FSCN2: variants seen among roughly 807,000 people sequenced by gnomAD.
FSCN2 encodes the protein fascin-2.
Under a neutral mutation model 37.8 loss-of-function variants are expected in FSCN2, and 46 were observed. The ratio of observed to expected loss-of-function variants is 1.22; its 90% CI spans 0.96 to 1.56. The LOEUF is 1.56. FSCN2 is among the 40% of genes most tolerant of loss of function. The pLI is 0.00. For synonymous variants in FSCN2, 351 were observed against 309.4 expected (o/e 1.13, Z -1.41); for missense variants, 844 against 730.4 (o/e 1.16, Z -1.79).
chr17:81,519,411 A>T, the FSCN2 span, among the ~76,000 whole-genome samples: 1 of 151,956 alleles, frequency 6.6e-6, no homozygotes, highest in African/African-American at 2.4e-5. Context: ...GCGGGGACGC[A>T]CCCCCAGGAC....
the FSCN2 span, among the ~76,000 whole-genome samples, chr17:81,520,745 C>T: frequency 6.6e-6 from 1 of 152,228 alleles, no homozygotes; most frequent in East Asian, 1.9e-4. Flanking sequence ...CTCTAAGAGC[C>T]TTCAGGCTTT....
chr17:81,532,359 GTGATGGTGATGGTGA>G (rs2032702267), intron 1 of FSCN2, among the ~76,000 whole-genome samples: 1 of 125,128 alleles, frequency 8.0e-6, no homozygotes, highest in Admixed American at 8.0e-5. Context: ...AGTGATGGTG[GTGATGGTGATGGTGA>G]TGATAGTGAT....
At chr17:81,532,026 GTGATGGTGATGA>G (rs755191271) in intron 1 of FSCN2, among the ~76,000 whole-genome samples, 936 of 84,570 alleles carry the variant, frequency 0.011, 11 homozygotes, top group African/African-American at 0.025. Flanking sequence ...GGTGATGATA[GTGATGGTGATGA>G]TGATGGTGAT....
intron 4 of FSCN2, 26 bp downstream of exon 4, chr17:81,536,815 C>A (rs368423712): frequency 1.4e-6 from 2 of 1,411,692 alleles, no homozygotes; most frequent in Admixed American, 3.8e-5. Flanking sequence ...GGTGGGCACG[C>A]GGGAGCGGGG....
At position 81,533,460 on chromosome 17, in the gene FSCN2, A is replaced by G. The variant is rs543662247; in HGVS notation, c.827-1592A>G. Among the ~76,000 whole-genome samples the G allele has an allele frequency of 1.4e-4, 21 of 152,196 alleles. 1 individual carries two copies. Among genetic ancestry groups the G allele is most frequent in the African/African-American group, 4.8e-4 (20 of 41,518 alleles). ...TCCTCCGTTCTTACCTCCTCACCGA[A>G]CCACTCTCCTGGGTCAGCTCTGACC... On this transcript the variant is annotated intron_variant, in intron 1 of 4. Coordinates refer to ENST00000417245, the MANE Select transcript of FSCN2 (RefSeq NM_012418.4).
In FSCN2 at chr17:81,536,870, C is replaced by A. The variant is rs746096845; in HGVS notation, c.1274-5C>A. 3 of 1,567,120 alleles carry A rather than the reference C, an allele frequency of 1.9e-6. No individual in the cohort carries two copies. The highest frequency in any genetic ancestry group is 2.6e-6 in the Non-Finnish European group (3 of 1,156,112). ...CACCCCCGCCGACGCCGTCCCGTCC[C>A]CCAGGCCGCGACGGAGGGTTCTGGT... is the stretch of plus-strand genomic sequence containing the variant. On this transcript the variant is annotated splice_polypyrimidine_tract_variant and splice_region_variant and intron_variant, in intron 4 of 4. Transcript: ENST00000417245.
chr17:81,536,040 G>A, intron 2 of FSCN2, 106 bp from the exon 3 acceptor site: 2 of 1,398,638 alleles, frequency 1.4e-6, no homozygotes, highest in East Asian at 2.5e-5. Context: ...TGTCAGTGGA[G>A]GGCAGGCTTC....
At chr17:81,531,624 GTGGTGGTGA>G (rs2032613621) in intron 1 of FSCN2, among the ~76,000 whole-genome samples, 1 of 126,910 alleles carries the variant, frequency 7.9e-6, no homozygotes, top group Admixed American at 8.0e-5. Context: ...GATGGTGATG[GTGGTGGTGA>G]TGGTGGTGGT....
chr17:81,537,023 G>A lies in FSCN2; in HGVS notation c.1422G>A (p.Ser474=), dbSNP rs1315184895. The change falls in exon 5 of 5, where the codon TCG becomes TCA. Residue 474 remains serine (S), a synonymous_variant. Transcript: ENST00000417245. ...GCAAGTACCTGCGCGGCGGCGCCTC[G>A]GGCCTGCTGCGGGCCGATGCCGACG... ...RSGKYLRGGA[S]GLLRADADAP... is the part of the protein sequence containing the mutation. The A allele has an allele frequency of 2.0e-6, 3 of 1,496,726 alleles. No homozygotes were observed. Among genetic ancestry groups the A allele is most frequent in the Admixed American group, 4.5e-5 (2 of 44,336 alleles). 92.7% of individuals were successfully genotyped at this position (1,496,726 alleles called of 1,614,324 possible). A position where few individuals can be genotyped will look rare whatever the true frequency, so the allele number is the denominator to read the frequency against.
upstream of FSCN2, among the ~76,000 whole-genome samples, chr17:81,526,884 T>C (rs1472611191): frequency 6.6e-6 from 1 of 152,180 alleles, no homozygotes; most frequent in Non-Finnish European, 1.5e-5. Flanking sequence ...GTGTGAATCA[T>C]AGAGGCGGAT....
chr17:81,536,067 A>G (rs2032866616), intron 2 of FSCN2, 79 bp from the exon 3 acceptor site: 1 of 1,529,164 alleles, frequency 6.5e-7, no homozygotes, highest in South Asian at 1.2e-5. Context: ...ACTCCTTGGA[A>G]CCTGAGGAGG....
upstream of FSCN2, chr17:81,527,378 C>A (rs1376793583): frequency 1.3e-5 from 2 of 152,286 alleles, no homozygotes; most frequent in African/African-American, 2.4e-5. Flanking sequence ...GGGTGGCCAG[C>A]TCTGGTTTCA....
intron 1 of FSCN2, among the ~76,000 whole-genome samples, chr17:81,532,353 ATGGTGG>A (rs1188260500): frequency 1.5e-5 from 2 of 136,592 alleles, no homozygotes; most frequent in African/African-American, 5.9e-5. Context: ...GATGATAGTG[ATGGTGG>A]TGATGGTGAT....
chr17:81,528,764 C>T lies in FSCN2; in HGVS notation c.233C>T (p.Ala78Val). The change falls in exon 1 of 5, where the codon GCC (alanine) becomes GTC (valine). Residue 78 changes from alanine to valine, a missense_variant. By Grantham distance (64) the Ala-to-Val change is moderately conservative. Coordinates refer to ENST00000417245, the MANE Select transcript of FSCN2 (RefSeq NM_012418.4). ...YLSAEEDGRV[A>V]CEAEQPGRDC... ...TCGGCAGAAGAGGACGGGCGCGTGG[C>T]CTGTGAGGCAGAGCAGCCGGGCCGT... The T allele has an allele frequency of 6.3e-7, 1 of 1,580,172 alleles. No individual in the cohort carries two copies. The highest frequency in any genetic ancestry group is 8.6e-7 in the Non-Finnish European group (1 of 1,164,846).
At chr17:81,529,565 G>A (rs376837675) in intron 1 of FSCN2, 9 of 758,260 alleles carry the variant, frequency 1.2e-5, no homozygotes, top group Admixed American at 1.7e-5. Context: ...CCACTGAGGG[G>A]TGGTGGCTTC....
chr17:81,528,710 T>C lies in FSCN2; in HGVS notation c.179T>C (p.Leu60Pro). 1 of 1,599,222 alleles carries C rather than the reference T, an allele frequency of 6.3e-7. No individual in the cohort carries two copies. Among genetic ancestry groups the C allele is most frequent in the Non-Finnish European group, 8.5e-7 (1 of 1,174,054 alleles). The change falls in exon 1 of 5, where the codon CTC (leucine) becomes CCC (proline). Residue 60 changes from leucine to proline, a missense_variant. Coordinates refer to ENST00000417245, the MANE Select transcript of FSCN2 (RefSeq NM_012418.4). ...CCAGGACAAGGCACGGCTGTGCTGC[T>C]CCGCAGCAGCCACCTGGGCCGCTAC... ...PDPGQGTAVL[L>P]RSSHLGRYLS...
chr17:81,534,160 G>C (rs997257280), intron 1 of FSCN2, among the ~76,000 whole-genome samples: 4 of 152,164 alleles, frequency 2.6e-5, no homozygotes, highest in African/African-American at 9.7e-5. Context: ...GTGAGGGGCA[G>C]CTTTGGGGCT....
chr17:81,536,909 C>T lies in FSCN2; in HGVS notation c.1308C>T (p.His436=), dbSNP rs1273570380. ...GAGGGTTCTGGTACACGGGCAGCCA[C>T]GGCAGCGTGTGCAGCGACGGCGAAC... ...RDGGFWYTGS[H]GSVCSDGERA... is the part of the protein sequence containing the mutation. The change falls in exon 5 of 5, where the codon CAC becomes CAT. Residue 436 remains histidine (H), a synonymous_variant. Transcript: ENST00000417245. The T allele has an allele frequency of 5.7e-6, 9 of 1,576,412 alleles. No homozygotes were observed. The highest frequency in any genetic ancestry group is 5.2e-6 in the Non-Finnish European group (6 of 1,164,640).
chr17:81,536,807 TGGGCACGCGGGAGCGGGGGTGGCAGC>T lies in FSCN2; in HGVS notation c.1273+24_1274-37del. On this transcript the variant is annotated intron_variant, in intron 4 of 4. Coordinates refer to ENST00000417245, the MANE Select transcript of FSCN2 (RefSeq NM_012418.4). ...GATCCGAGGTGCGTGGCGGGGCGGG[TGGGCACGCGGGAGCGGGGGTGGCAGC>T]GGGCAGGTGGGCACCCCCGCCGACG... is the stretch of plus-strand genomic sequence containing the variant. 6.7e-7 allele frequency: 1 copy of T among 1,483,592 alleles called. No homozygotes were observed. The highest frequency in any genetic ancestry group is 9.2e-7 in the Non-Finnish European group (1 of 1,090,044). The allele number at this position is 1,483,592 out of a possible 1,614,324, so 91.9% of individuals were successfully genotyped here.
Sources: allele counts gnomAD v4.1 joint callset (sites outside exome capture counted in the v4.1 genomes callset), GRCh38; gene constraint gnomAD v4.1.1; transcripts MANE v1.5; gene names NCBI Gene and HGNC (gene_info 2026-07-23, HGNC 2026-07-21).